Variants in CLNK observed in about 807,000 individuals in gnomAD.
The protein encoded by CLNK is cytokine-dependent hematopoietic cell linker.
In CLNK, 74 loss-of-function variants were observed where a neutral mutation model predicts 68.6. The ratio of observed to expected loss-of-function variants is 1.08; its 90% CI spans 0.89 to 1.31. The LOEUF is 1.31. Ranked by LOEUF, CLNK falls within the 50% of genes most tolerant of loss-of-function variation. The probability of loss-of-function intolerance (pLI) is 0.00; values close to 1 mark genes in which losing one functional copy is unlikely to be tolerated. For missense variants in CLNK, 553 were observed against 515.3 expected, an observed-to-expected ratio of 1.07 and a Z score of -0.71; for synonymous variants, 198 against 172.2, an observed-to-expected ratio of 1.15 and a Z score of -1.17.
In CLNK at chr4:10,658,164, A is replaced by T. The variant is rs1724052881; in HGVS notation, c.11+9695T>A. ...ACCACTCACTCCTCTGTGTCCTCTTAGCACTTTGCACACACTCAGAACAGA... is the reference window on the plus strand; with the variant it reads ...ACCACTCACTCCTCTGTGTCCTCTTTGCACTTTGCACACACTCAGAACAGA... On this transcript the variant is annotated intron_variant, in intron 2 of 18. Coordinates refer to ENST00000226951, the MANE Select transcript of CLNK (RefSeq NM_052964.4). 2.0e-5 allele frequency among the ~76,000 whole-genome samples: 3 copies of T among 152,208 alleles called. No homozygotes were observed. The South Asian group carries it at 6.2e-4, about 31-fold the overall frequency.
the CLNK span, among the ~76,000 whole-genome samples, chr4:10,700,632 G>A: frequency 1.3e-5 from 2 of 152,140 alleles, no homozygotes; most frequent in African/African-American, 2.4e-5. Flanking sequence ...TGCAGTGGTC[G>A]TGCTGGAGCT....
At position 10,634,156 on chromosome 4, in the gene CLNK, C is replaced by G. The variant is rs149398154; in HGVS notation, c.11+33703G>C. ...GGTGCCAGAGCTCAGAGAAGAGAAA[C>G]AGAGTCCATCAGGGTCATTAGTAAG... On this transcript the variant is annotated intron_variant, in intron 2 of 18. Coordinates refer to ENST00000226951, the MANE Select transcript of CLNK (RefSeq NM_052964.4). Among the ~76,000 whole-genome samples the G allele has an allele frequency of 5.3e-4, 80 of 152,314 alleles. No individual in the cohort carries two copies. In the East Asian group the frequency reaches 0.013, roughly 24 times the overall value.
chr4:10,645,214 C>T (rs1410250535), intron 2 of CLNK, among the ~76,000 whole-genome samples: 1 of 152,208 alleles, frequency 6.6e-6, no homozygotes, highest in Non-Finnish European at 1.5e-5. Context: ...TATGTCTCAG[C>T]CTTGAGCTTC....
At chr4:10,505,124 T>A (rs1025535500) in intron 17 of CLNK, among the ~76,000 whole-genome samples, 17 of 152,168 alleles carry the variant, frequency 1.1e-4, no homozygotes, top group Admixed American at 8.5e-4. Context: ...GGGCACTGAT[T>A]AGCCAAGATG....
chr4:10,717,361 C>T, the CLNK span, among the ~76,000 whole-genome samples: 5 of 152,196 alleles, frequency 3.3e-5, no homozygotes, highest in Admixed American at 1.3e-4. Context: ...TTTGGGAGGC[C>T]GAGGCGGACA....
intron 8 of CLNK, among the ~76,000 whole-genome samples, chr4:10,543,985 T>C (rs186986219): frequency 6.6e-6 from 1 of 152,364 alleles, no homozygotes; most frequent in African/African-American, 2.4e-5. Context: ...TAATGCTTGC[T>C]TAAGGGACAA....
chr4:10,711,625 C>T, the CLNK span, among the ~76,000 whole-genome samples: 5 of 152,094 alleles, frequency 3.3e-5, no homozygotes, highest in Admixed American at 2.6e-4. Flanking sequence ...ATATTGAAGC[C>T]TGTCTTTTTC....
rs71281268 is a variant in CLNK, at chr4:10,654,384, A to AATATATATATATATATATATAT, written c.11+13474_11+13475insATATATATATATATATATATAT. On this transcript the variant is annotated intron_variant, in intron 2 of 18. Coordinates refer to ENST00000226951, the MANE Select transcript of CLNK (RefSeq NM_052964.4). ...TATATAGATAAATATATATTGATTA[A>AATATATATATATATATATATAT]ATATATATATATATATATAGAAAGT... Among the ~76,000 whole-genome samples the AATATATATATATATATATATAT allele has an allele frequency of 3.4e-3, 289 of 84,112 alleles. 21 individuals carry two copies. The highest frequency in any genetic ancestry group is 6.6e-3 in the Non-Finnish European group (215 of 32,620). The allele number at this position is 84,112 out of a possible 152,430, so 55.2% of individuals were successfully genotyped here. A position where few individuals can be genotyped will look rare whatever the true frequency, so the allele number is the denominator to read the frequency against.
chr4:10,581,647 G>C (rs1168780346), intron 4 of CLNK, among the ~76,000 whole-genome samples: 1 of 94,050 alleles, frequency 1.1e-5, no homozygotes, highest in Non-Finnish European at 2.4e-5. Flanking sequence ...GAGTCCCCAG[G>C]ACCTTTAATT....
intron 3 of CLNK, among the ~76,000 whole-genome samples, chr4:10,596,140 C>A (rs935254978): frequency 7.9e-5 from 12 of 152,210 alleles, no homozygotes; most frequent in African/African-American, 2.4e-4. Flanking sequence ...ATTCTCCTGC[C>A]TCAGCCTCCC....
At chr4:10,672,252 CT>C (rs1724676490) in intron 1 of CLNK, among the ~76,000 whole-genome samples, 2 of 152,176 alleles carry the variant, frequency 1.3e-5, no homozygotes, top group South Asian at 4.1e-4. Flanking sequence ...GACACTGGAT[CT>C]TGCAAGACTG....
At chr4:10,571,696 A>G in intron 5 of CLNK, 45 bp downstream of exon 5, 2 of 1,486,592 alleles carry the variant, frequency 1.3e-6, no homozygotes, top group South Asian at 1.1e-5. Context: ...CCTGCTTTGC[A>G]ATATTAAAGA....
intron 8 of CLNK, among the ~76,000 whole-genome samples, chr4:10,557,148 A>C (rs1719707377): frequency 6.6e-6 from 1 of 152,086 alleles, no homozygotes; most frequent in South Asian, 2.1e-4. Flanking sequence ...GGTCTTACTT[A>C]AGGTCACACA....
At chr4:10,538,976 C>T (rs1718908775) in intron 11 of CLNK, among the ~76,000 whole-genome samples, 1 of 152,202 alleles carries the variant, frequency 6.6e-6, no homozygotes, top group African/African-American at 2.4e-5. Context: ...TCCCCTTTGC[C>T]TTCTGCCATG....
the CLNK span, among the ~76,000 whole-genome samples, chr4:10,733,266 C>T: frequency 6.6e-6 from 1 of 152,122 alleles, no homozygotes; most frequent in Non-Finnish European, 1.5e-5. Flanking sequence ...CCACAATCCA[C>T]CTCTTAGTCA....
intron 15 of CLNK, among the ~76,000 whole-genome samples, chr4:10,516,147 T>C (rs1016909545): frequency 1.2e-4 from 18 of 152,176 alleles, no homozygotes; most frequent in Non-Finnish European, 2.5e-4. Context: ...AATGTTTTGG[T>C]AATTTTAAGC....
chr4:10,547,382 A>C (rs1301385488), intron 8 of CLNK, among the ~76,000 whole-genome samples: 1 of 152,198 alleles, frequency 6.6e-6, no homozygotes, highest in Admixed American at 6.5e-5. Context: ...GGATAAGTAC[A>C]TATCCATGAA....
chr4:10,644,771 T>A (rs6811986), intron 2 of CLNK, among the ~76,000 whole-genome samples: 121,091 of 152,232 alleles, frequency 0.8, 48,364 homozygotes, highest in Non-Finnish European at 0.83. Flanking sequence ...ACTGACTTCA[T>A]TATGGCTCAG....
At chr4:10,592,912 A>T (rs1483435967) in intron 3 of CLNK, among the ~76,000 whole-genome samples, 2 of 151,872 alleles carry the variant, frequency 1.3e-5, no homozygotes, top group Non-Finnish European at 2.9e-5. Context: ...TTTTTAGTAG[A>T]GATCAGGTTT....
Sources: gnomAD v4.1 joint callset for allele counts (sites outside exome capture counted in the v4.1 genomes callset) on GRCh38, gnomAD v4.1.1 for gene constraint, MANE v1.5 for transcripts, NCBI Gene and HGNC (gene_info 2026-07-23, HGNC 2026-07-21) for gene names.